Variants in ALDH18A1 observed in about 807,000 individuals in gnomAD.
The protein encoded by ALDH18A1 is delta-1-pyrroline-5-carboxylate synthase.
In ALDH18A1, 44 loss-of-function variants were observed where a neutral mutation model predicts 88.8. The observed-to-expected ratio is 0.50, with a 90% confidence interval of 0.39 to 0.64. The LOEUF is 0.64. Among genes scored for constraint, ALDH18A1 ranks in the 30% least tolerant of loss-of-function variants. ALDH18A1 has a pLI of 0.00. For synonymous variants in ALDH18A1, 331 were observed against 372.1 expected (o/e 0.89, Z 1.27); for missense variants, 782 against 1,009.5 (o/e 0.77, Z 3.05).
intron 2 of ALDH18A1, among the ~76,000 whole-genome samples, chr10:95,645,546 T>C (rs1274379131): frequency 3.3e-5 from 5 of 152,178 alleles, no homozygotes; most frequent in African/African-American, 1.2e-4. Context: ...CGACTATGGG[T>C]TCTCCTCCCT....
At chr10:95,615,037 G>A (rs759849398) in intron 13 of ALDH18A1, among the ~76,000 whole-genome samples, 5 of 152,160 alleles carry the variant, frequency 3.3e-5, no homozygotes, top group Non-Finnish European at 7.3e-5. Flanking sequence ...TAAATTTCAA[G>A]AATAGGCAAA....
Position 95,611,286 on chromosome 10 carries a change from A to C in ALDH18A1, c.2080T>G (p.Ser694Ala). The C allele has an allele frequency of 6.2e-7, 1 of 1,614,168 alleles. No homozygotes were observed. The highest frequency in any genetic ancestry group is 8.5e-7 in the Non-Finnish European group (1 of 1,180,022). The change falls in exon 16 of 18, where the codon TCC (serine) becomes GCC (alanine). Residue 694 changes from serine (S) to alanine (A), a missense_variant. Ser to Ala is a moderately conservative substitution (Grantham distance 99). Around this residue, in one of 3 missense-constraint regions of ALDH18A1, gnomAD observed 556 missense variants for 654.5 expected, o/e 0.85. Transcript: ENST00000371224. ...AIDHIHKYGS[S>A]HTDVIVTEDE... ...TCTGTGACGATGACATCCGTGTGGGAGCTGCCATACTTGTGGATGTGGTCA... is the reference window on the plus strand; with the variant it reads ...TCTGTGACGATGACATCCGTGTGGGCGCTGCCATACTTGTGGATGTGGTCA...
intron 11 of ALDH18A1, among the ~76,000 whole-genome samples, chr10:95,622,527 C>T (rs573448611): frequency 9.2e-5 from 14 of 151,764 alleles, no homozygotes; most frequent in African/African-American, 3.4e-4. Flanking sequence ...TTATGGCAAG[C>T]TCATACGCAG....
Position 95,611,252 on chromosome 10 carries a change from T to A in ALDH18A1, c.2110+4A>T, listed in dbSNP as rs372814168. 2 of 1,613,810 alleles carry A rather than the reference T, an allele frequency of 1.2e-6. No individual in the cohort carries two copies. Among genetic ancestry groups the A allele is most frequent in the South Asian group, 2.2e-5 (2 of 91,062 alleles). On this transcript the variant is annotated splice_donor_region_variant and intron_variant, in intron 16 of 17. Coordinates refer to ENST00000371224, the MANE Select transcript of ALDH18A1 (RefSeq NM_002860.4). Reference sequence around the variant, plus strand: ...CTGTATGCGGGAAGCATCTGGACACTGACCGTCCTCTGTGACGATGACATC... The same window carrying A: ...CTGTATGCGGGAAGCATCTGGACACAGACCGTCCTCTGTGACGATGACATC...
chr10:95,648,878 T>C (rs2139656779), intron 2 of ALDH18A1, among the ~76,000 whole-genome samples: 1 of 152,354 alleles, frequency 6.6e-6, no homozygotes, highest in South Asian at 2.1e-4. Flanking sequence ...AATTGTGACC[T>C]AAACAGACAG....
chr10:95,621,169 G>C lies in ALDH18A1; in HGVS notation c.1329C>G (p.Ile443Met). ...LNSLAIGLRQIAASSQDSVGR... is the reference protein window; with the variant it reads ...LNSLAIGLRQMAASSQDSVGR... ...CCACGCTGTCCTGGGAGGAGGCTGC[G>C]ATCTGTCGCAGACCGATGGCCAGGC... is the stretch of plus-strand genomic sequence containing the variant. The change falls in exon 12 of 18, where the codon ATC (isoleucine) becomes ATG (methionine). Residue 443 changes from isoleucine to methionine, a missense_variant. Around this residue, in one of 3 missense-constraint regions of ALDH18A1, gnomAD observed 556 missense variants for 654.5 expected, o/e 0.85. Coordinates refer to ENST00000371224, the MANE Select transcript of ALDH18A1 (RefSeq NM_002860.4). The C allele has an allele frequency of 1.2e-6, 2 of 1,614,072 alleles. No homozygotes were observed. Among genetic ancestry groups the C allele is most frequent in the Non-Finnish European group, 1.7e-6 (2 of 1,180,018 alleles).
chr10:95,612,618 T>C (rs2097837201), intron 15 of ALDH18A1, among the ~76,000 whole-genome samples: 1 of 152,220 alleles, frequency 6.6e-6, no homozygotes, highest in African/African-American at 2.4e-5. Flanking sequence ...AAAAGTGCTG[T>C]ATGAAGTACA....
At position 95,635,631 on chromosome 10, in the gene ALDH18A1, GAT is replaced by G. The variant is rs373494113; in HGVS notation, c.558+1460_558+1461del. Among the ~76,000 whole-genome samples the G allele has an allele frequency of 4.5e-3, 678 of 152,312 alleles. 2 individuals carry two copies. Among genetic ancestry groups the G allele is most frequent in the Middle Eastern group, 0.02 (6 of 294 alleles). On this transcript the variant is annotated intron_variant, in intron 5 of 17. Transcript: ENST00000371224. ...GTACAAAGGGCAAATATTTTCTGTA[GAT>G]ATGATGGCCTTGGGGGAAGACACAG...
In ALDH18A1 at chr10:95,606,440, G is replaced by A. The variant is rs988379691; in HGVS notation, c.*322C>T. 11 of 1,210,130 alleles carry A rather than the reference G, an allele frequency of 9.1e-6. No homozygotes were observed. In the African/African-American group the frequency reaches 1.6e-4, roughly 17 times the overall value. The allele number at this position is 1,210,130 out of a possible 1,614,324, so 75.0% of individuals were successfully genotyped here. The stretch of plus-strand genomic sequence containing the variant: ...GCCAAGGGGGACTGTAAGTCACTGA[G>A]GTGACACAAAGCAGCCATGGGTTTT... On this transcript the variant is annotated 3_prime_UTR_variant, in exon 18 of 18. Transcript: ENST00000371224.
chr10:95,654,085 G>C (rs1189669416), intron 1 of ALDH18A1, among the ~76,000 whole-genome samples: 1 of 151,608 alleles, frequency 6.6e-6, no homozygotes, highest in African/African-American at 2.4e-5. Context: ...TGAGACTTTA[G>C]ACAAAGAATA....
intron 13 of ALDH18A1, among the ~76,000 whole-genome samples, chr10:95,615,029 A>C (rs2097841875): frequency 6.6e-6 from 1 of 152,194 alleles, no homozygotes; most frequent in African/African-American, 2.4e-5. Context: ...CATTTATATA[A>C]ATTTCAAGAA....
Position 95,633,616 on chromosome 10 carries a change from G to C in ALDH18A1, c.592C>G (p.Gln198Glu). ...GTTCCATTGAGGTTCCGGCGCTTCTGCTCATCATGGAAATCCAAATTGGTC... is the reference window on the plus strand; with the variant it reads ...GTTCCATTGAGGTTCCGGCGCTTCTCCTCATCATGGAAATCCAAATTGGTC... Reference protein sequence around the residue: ...LVTNLDFHDEQKRRNLNGTLH... With the variant: ...LVTNLDFHDEEKRRNLNGTLH... Residue 198 changes from glutamine to glutamate, a missense_variant, in exon 6 of 18, where the codon CAG becomes GAG. This residue lies in a region of ALDH18A1 where 132 missense variants were observed against 255.5 expected (regional missense o/e 0.52). Coordinates refer to ENST00000371224, the MANE Select transcript of ALDH18A1 (RefSeq NM_002860.4). 1 of 1,614,038 alleles carries C rather than the reference G, an allele frequency of 6.2e-7. No individual in the cohort carries two copies. Among genetic ancestry groups the C allele is most frequent in the Non-Finnish European group, 8.5e-7 (1 of 1,180,000 alleles).
In ALDH18A1 at chr10:95,616,510, G is replaced by A; in HGVS notation, c.1572C>T (p.Leu524=). ...CGGCCTCCTTGACTCCATGGATTGA[G>A]AGAGCCTCCTGGGTCAGGAGGTGGA... The part of the protein sequence containing the change: ...RILHLLTQEA[L]SIHGVKEAVQ... The change falls in exon 13 of 18, where the codon CTC becomes CTT. Residue 524 remains leucine (L), a synonymous_variant. Coordinates refer to ENST00000371224, the MANE Select transcript of ALDH18A1 (RefSeq NM_002860.4). 1 of 1,574,960 alleles carries A rather than the reference G, an allele frequency of 6.3e-7. No individual in the cohort carries two copies. Among genetic ancestry groups the A allele is most frequent in the Non-Finnish European group, 8.6e-7 (1 of 1,159,116 alleles).
At chr10:95,641,541 T>A (rs1302903520) in intron 3 of ALDH18A1, among the ~76,000 whole-genome samples, 3 of 149,314 alleles carry the variant, frequency 2.0e-5, no homozygotes, top group African/African-American at 5.0e-5. Flanking sequence ...GTGGTCAGGG[T>A]TTTGCTCTGT....
Position 95,621,120 on chromosome 10 carries a change from T to C in ALDH18A1, c.1378A>G (p.Ile460Val), listed in dbSNP as rs773774976. 6.2e-7 allele frequency: 1 copy of C among 1,613,966 alleles called. No individual in the cohort carries two copies. The highest frequency in any genetic ancestry group is 8.5e-7 in the Non-Finnish European group (1 of 1,180,010). ...TGTTCCAGTTCCAAGTTTTTGGCGA[T>C]TCGGGTGCGGCGCAAAACACGTCCC... ...SVGRVLRRTR[I>V]AKNLELEQVT... Residue 460 changes from isoleucine (I) to valine (V), a missense_variant, in exon 12 of 18, where the codon ATC (isoleucine) becomes GTC (valine). Around this residue, in one of 3 missense-constraint regions of ALDH18A1, gnomAD observed 556 missense variants for 654.5 expected, o/e 0.85. Coordinates refer to ENST00000371224, the MANE Select transcript of ALDH18A1 (RefSeq NM_002860.4).
At chr10:95,633,350 C>G in intron 6 of ALDH18A1, 141 bp downstream of exon 6, 1 of 1,073,080 alleles carries the variant, frequency 9.3e-7, no homozygotes, top group Admixed American at 2.2e-5. Context: ...TTCAGAAGAG[C>G]TTATGCAGTC....
intron 12 of ALDH18A1, 31 bp downstream of exon 12, chr10:95,621,000 G>A (rs1465698962): frequency 1.3e-6 from 2 of 1,597,188 alleles, no homozygotes; most frequent in East Asian, 4.5e-5. Context: ...CCCAATGGCA[G>A]GGTATTTATT....
intron 9 of ALDH18A1, among the ~76,000 whole-genome samples, chr10:95,627,018 T>C (rs1166475643): frequency 6.6e-6 from 1 of 152,192 alleles, no homozygotes; most frequent in Non-Finnish European, 1.5e-5. Flanking sequence ...GCAGACAATA[T>C]ACTTTGTTTT....
At chr10:95,636,649 C>T (rs1455961186) in intron 5 of ALDH18A1, among the ~76,000 whole-genome samples, 1 of 152,174 alleles carries the variant, frequency 6.6e-6, no homozygotes, top group African/African-American at 2.4e-5. Flanking sequence ...TTCCTCTTTC[C>T]CTTCAAAGCT....
Sources: allele counts gnomAD v4.1 joint callset (sites outside exome capture counted in the v4.1 genomes callset), GRCh38; gene constraint gnomAD v4.1.1; regional missense constraint gnomAD v4.1.1; transcripts MANE v1.5; gene names NCBI Gene and HGNC (gene_info 2026-07-23, HGNC 2026-07-21).